The following IL1RAPL2 variants were observed in gnomAD, a reference collection of about 807,000 sequenced individuals.
IL1RAPL2 encodes X-linked interleukin-1 receptor accessory protein-like 2.
In IL1RAPL2, 3 loss-of-function variants were observed where a neutral mutation model predicts 44.1. That is an observed-to-expected ratio of 0.07 (90% confidence interval 0.03 to 0.18). IL1RAPL2 has a LOEUF of 0.18. IL1RAPL2 is among the 10% of genes least tolerant of loss of function. IL1RAPL2 has a pLI of 1.00. For synonymous variants in IL1RAPL2, 181 were observed against 178.8 expected, an observed-to-expected ratio of 1.01 and a Z score of -0.10; for missense variants, 391 against 496.4, an observed-to-expected ratio of 0.79 and a Z score of 2.02.
intron 2 of IL1RAPL2, among the ~76,000 whole-genome samples, chrX:104,831,090 G>C (rs1921592100): frequency 9.0e-6 from 1 of 111,647 alleles, no homozygotes; most frequent in Non-Finnish European, 1.9e-5. Context: ...GGAAAGTTAT[G>C]TAGCACTTTG....
chrX:104,877,624 A>T lies in IL1RAPL2; in HGVS notation c.82+218629A>T, dbSNP rs149124903. On this transcript the variant is annotated intron_variant, in intron 2 of 10. Coordinates refer to ENST00000372582, the MANE Select transcript of IL1RAPL2 (RefSeq NM_017416.2). ...CATTAGTGTAGAACTTACACATGTA[A>T]CTATTCAAGAGAATGCAAGATGAAT... Among the ~76,000 whole-genome samples, 20 of 112,613 alleles carry T rather than the reference A, an allele frequency of 1.8e-4. No individual in the cohort carries two copies. The East Asian group carries it at 5.0e-3, about 28-fold the overall frequency.
chrX:104,570,293 C>T (rs1249171336), intron 1 of IL1RAPL2, among the ~76,000 whole-genome samples: 1 of 111,678 alleles, frequency 9.0e-6, no homozygotes, highest in Non-Finnish European at 1.9e-5. Flanking sequence ...GTGGAATGTG[C>T]AATATGTGCT....
At chrX:105,740,485 G>C (rs2038490703) in intron 7 of IL1RAPL2, 61 bp from the exon 8 acceptor site, 3 of 1,124,064 alleles carry the variant, frequency 2.7e-6, no homozygotes, top group Non-Finnish European at 3.6e-6. Flanking sequence ...CTGTAGTCTT[G>C]GCATGGCTGC....
At chrX:105,206,671 T>A (rs1374747466) in intron 3 of IL1RAPL2, among the ~76,000 whole-genome samples, 1 of 112,137 alleles carries the variant, frequency 8.9e-6, no homozygotes, top group Non-Finnish European at 1.9e-5. Flanking sequence ...TAGAAGGCAA[T>A]GAAATAGAGA....
rs779072399 is a variant in IL1RAPL2, at chrX:104,600,876, C to T, written c.-20+33825C>T. Reference sequence around the variant, plus strand: ...TATTTTTTATGGCTGCATGATATCCCGTGGTGTATATGTATCACATTTTCT... The same window carrying T: ...TATTTTTTATGGCTGCATGATATCCTGTGGTGTATATGTATCACATTTTCT... On this transcript the variant is annotated intron_variant, in intron 1 of 10. Coordinates refer to ENST00000372582, the MANE Select transcript of IL1RAPL2 (RefSeq NM_017416.2). Among the ~76,000 whole-genome samples the T allele has an allele frequency of 2.8e-3, 310 of 111,641 alleles. 2 individuals are homozygous for T. Among genetic ancestry groups the T allele is most frequent in the African/African-American group, 9.4e-3 (288 of 30,769 alleles).
chrX:105,071,110 T>C (rs747725274), intron 2 of IL1RAPL2, among the ~76,000 whole-genome samples: 1 of 111,545 alleles, frequency 9.0e-6, no homozygotes, highest in African/African-American at 3.3e-5. Context: ...AAATTTTCTC[T>C]GTAGACAACA....
At chrX:105,073,458 G>A (rs1435093857) in intron 2 of IL1RAPL2, among the ~76,000 whole-genome samples, 2 of 110,195 alleles carry the variant, frequency 1.8e-5, no homozygotes, top group Admixed American at 9.7e-5. Flanking sequence ...TGGACATTTG[G>A]GTTGGTTCCA....
At chrX:105,614,759 T>C (rs2037360929) in intron 6 of IL1RAPL2, among the ~76,000 whole-genome samples, 1 of 111,752 alleles carries the variant, frequency 8.9e-6, no homozygotes, top group Admixed American at 9.5e-5. Flanking sequence ...CTCTAGGACA[T>C]GGGAATAGGC....
chrX:104,780,442 G>A (rs1330486367), intron 2 of IL1RAPL2, among the ~76,000 whole-genome samples: 1 of 111,786 alleles, frequency 8.9e-6, no homozygotes, highest in Non-Finnish European at 1.9e-5. Flanking sequence ...CTAGTTGCCA[G>A]AATGGCTAGG....
At chrX:105,241,929 G>A (rs1185328275) in intron 4 of IL1RAPL2, among the ~76,000 whole-genome samples, 1 of 112,110 alleles carries the variant, frequency 8.9e-6, no homozygotes, top group Non-Finnish European at 1.9e-5. Context: ...CATTTTGCAT[G>A]TAAAACTCTT....
At chrX:104,593,211 C>T (rs1221666067) in intron 1 of IL1RAPL2, among the ~76,000 whole-genome samples, 1 of 111,768 alleles carries the variant, frequency 8.9e-6, no homozygotes, top group Non-Finnish European at 1.9e-5. Flanking sequence ...CCCTGGGCTA[C>T]TCTATCACTG....
chrX:105,030,952 C>T (rs2031480990), intron 2 of IL1RAPL2, among the ~76,000 whole-genome samples: 1 of 110,918 alleles, frequency 9.0e-6, no homozygotes, highest in African/African-American at 3.3e-5. Context: ...TTGAAGAGGT[C>T]CTTCACATCC....
intron 5 of IL1RAPL2, among the ~76,000 whole-genome samples, chrX:105,434,731 T>C (rs762293073): frequency 8.9e-6 from 1 of 112,233 alleles, no homozygotes; most frequent in African/African-American, 3.2e-5. Context: ...ATCCCATTTG[T>C]CAATTTAGCT....
At chrX:105,165,020 A>T (rs2033360298) in intron 2 of IL1RAPL2, among the ~76,000 whole-genome samples, 1 of 110,999 alleles carries the variant, frequency 9.0e-6, no homozygotes, top group Admixed American at 9.6e-5. Flanking sequence ...CTAAACCTGA[A>T]CTCTTCATCC....
chrX:105,169,276 G>T (rs973389426), intron 2 of IL1RAPL2, among the ~76,000 whole-genome samples: 78 of 109,848 alleles, frequency 7.1e-4, no homozygotes, highest in African/African-American at 2.5e-3. Context: ...CAGCAGGTTT[G>T]TGCTGGGTGA....
chrX:105,349,591 G>C (rs1165016461), intron 5 of IL1RAPL2, among the ~76,000 whole-genome samples: 1 of 111,671 alleles, frequency 9.0e-6, no homozygotes, highest in African/African-American at 3.3e-5. Context: ...TCTTTTGAAA[G>C]GTTTGGGGCA....
At chrX:104,678,296 C>T (rs181981893) in intron 2 of IL1RAPL2, among the ~76,000 whole-genome samples, 1 of 112,079 alleles carries the variant, frequency 8.9e-6, no homozygotes, top group African/African-American at 3.2e-5. Context: ...CAAAACAATA[C>T]CAGAGGGAGA....
At chrX:105,289,059 A>G (rs1225627118) in intron 5 of IL1RAPL2, among the ~76,000 whole-genome samples, 7 of 110,518 alleles carry the variant, frequency 6.3e-5, no homozygotes, top group African/African-American at 2.0e-4. Flanking sequence ...TTATGTATTG[A>G]TACTCTCTTT....
intron 6 of IL1RAPL2, among the ~76,000 whole-genome samples, chrX:105,578,323 G>T (rs761926693): frequency 9.1e-6 from 1 of 110,417 alleles, no homozygotes; most frequent in African/African-American, 3.3e-5. Flanking sequence ...AAAGTTAAGT[G>T]ATATGTCAAA....
Sources: allele counts gnomAD v4.1 joint callset (sites outside exome capture counted in the v4.1 genomes callset), GRCh38; gene constraint gnomAD v4.1.1; transcripts MANE v1.5; gene names NCBI Gene and HGNC (gene_info 2026-07-23, HGNC 2026-07-21).